The following RIMS2 variants were observed in gnomAD, a reference collection of about 807,000 sequenced individuals.
RIMS2 encodes the protein regulating synaptic membrane exocytosis 2.
In RIMS2, 59 loss-of-function variants were observed where a neutral mutation model predicts 174.4. The observed-to-expected ratio is 0.34, with a 90% CI of 0.27 to 0.42. RIMS2 has a LOEUF of 0.42. Among genes scored for constraint, RIMS2 ranks in the 10% least tolerant of loss-of-function variants. RIMS2 has a pLI of 1.00. For synonymous variants in RIMS2, 606 were observed against 572.5 expected, an observed-to-expected ratio of 1.06 and a Z score of -0.84; for missense variants, 1,620 against 1,666.3, an observed-to-expected ratio of 0.97 and a Z score of 0.48.
intron 4 of RIMS2, among the ~76,000 whole-genome samples, chr8:103,906,277 T>C (rs1330744951): frequency 6.6e-6 from 1 of 152,098 alleles, no homozygotes; most frequent in African/African-American, 2.4e-5. Flanking sequence ...AGTCTCGTTC[T>C]GTTGTTGCCC....
At chr8:103,602,474 G>A (rs897984214) in intron 1 of RIMS2, among the ~76,000 whole-genome samples, 5 of 151,550 alleles carry the variant, frequency 3.3e-5, no homozygotes, top group Admixed American at 2.6e-4. Flanking sequence ...CACCCTCAAA[G>A]AGGCTCCAGC....
intron 19 of RIMS2, among the ~76,000 whole-genome samples, chr8:104,242,837 CAT>C (rs1386439383): frequency 1.3e-5 from 2 of 152,202 alleles, no homozygotes; most frequent in Non-Finnish European, 2.9e-5. Flanking sequence ...TACTAAGTTT[CAT>C]CACTTGATTA....
At chr8:103,553,847 A>C (rs1849175278) in intron 1 of RIMS2, among the ~76,000 whole-genome samples, 1 of 131,798 alleles carries the variant, frequency 7.6e-6, no homozygotes, top group African/African-American at 2.6e-5. Context: ...CTGGTACAAA[A>C]ACAGACAGAT....
At chr8:103,885,539 G>T (rs2099195277) in exon 4 of RIMS2, 1 of 1,612,132 alleles carries the variant, frequency 6.2e-7, no homozygotes, top group Non-Finnish European at 8.5e-7. Context: ...TGATGAGGAT[G>T]TGGAAAGCAG....
intron 19 of RIMS2, among the ~76,000 whole-genome samples, chr8:104,194,372 T>A (rs2099013124): frequency 6.6e-6 from 1 of 152,198 alleles, no homozygotes; most frequent in Non-Finnish European, 1.5e-5. Flanking sequence ...TGTTTCAAAA[T>A]CTTTATGGTG....
intron 19 of RIMS2, among the ~76,000 whole-genome samples, chr8:104,158,915 C>G (rs1398305237): frequency 1.3e-5 from 2 of 152,112 alleles, no homozygotes; most frequent in Admixed American, 6.6e-5. Context: ...TTCCATTTGT[C>G]TATTTTGCGT....
chr8:103,863,489 A>G (rs889912158), intron 3 of RIMS2, among the ~76,000 whole-genome samples: 15 of 152,036 alleles, frequency 9.9e-5, no homozygotes, highest in African/African-American at 2.2e-4. Flanking sequence ...CTACTCCTCA[A>G]TTTTTTGGAA....
At chr8:103,735,367 A>C (rs1268689191) in intron 2 of RIMS2, among the ~76,000 whole-genome samples, 1 of 152,088 alleles carries the variant, frequency 6.6e-6, no homozygotes, top group African/African-American at 2.4e-5. Flanking sequence ...AATATTTTTA[A>C]TTTCCAGAAA....
chr8:103,603,787 A>G (rs1470671080), intron 1 of RIMS2, among the ~76,000 whole-genome samples: 2 of 148,560 alleles, frequency 1.3e-5, no homozygotes, highest in Admixed American at 1.3e-4. Flanking sequence ...TTGGCTGCAT[A>G]AATGTCTTCT....
intron 3 of RIMS2, among the ~76,000 whole-genome samples, chr8:103,790,560 G>T (rs2098487140): frequency 6.6e-6 from 1 of 152,052 alleles, no homozygotes; most frequent in Non-Finnish European, 1.5e-5. Flanking sequence ...AGACATTTGT[G>T]TGTAACTTTT....
intron 1 of RIMS2, among the ~76,000 whole-genome samples, chr8:103,565,119 A>G (rs1335878306): frequency 6.6e-6 from 1 of 152,154 alleles, no homozygotes; most frequent in Non-Finnish European, 1.5e-5. Flanking sequence ...ATTGTTTCTC[A>G]TTAAGATTTA....
At chr8:104,019,017 G>T (rs1481858357) in intron 19 of RIMS2, among the ~76,000 whole-genome samples, 1 of 151,964 alleles carries the variant, frequency 6.6e-6, no homozygotes, top group Non-Finnish European at 1.5e-5. Flanking sequence ...GGCCAACATG[G>T]CAAAACCCCA....
chr8:103,796,143 T>G (rs766698092), intron 3 of RIMS2, among the ~76,000 whole-genome samples: 16 of 152,190 alleles, frequency 1.1e-4, no homozygotes, highest in Admixed American at 2.6e-4. Context: ...GGCCTCCTGC[T>G]TTTCAACTTT....
At chr8:103,784,910 G>A (rs1430357859) in intron 3 of RIMS2, among the ~76,000 whole-genome samples, 1 of 136,568 alleles carries the variant, frequency 7.3e-6, no homozygotes, top group Non-Finnish European at 1.6e-5. Context: ...AGCATGGAAT[G>A]TTCTTCCATT....
At chr8:103,504,740 G>C (rs937831846) in intron 1 of RIMS2, among the ~76,000 whole-genome samples, 1 of 150,992 alleles carries the variant, frequency 6.6e-6, no homozygotes, top group African/African-American at 2.4e-5. Context: ...ATAGTGAGCA[G>C]TTCTCTATTT....
intron 1 of RIMS2, among the ~76,000 whole-genome samples, chr8:103,584,187 A>C (rs1009202644): frequency 6.6e-6 from 1 of 152,178 alleles, no homozygotes; most frequent in African/African-American, 2.4e-5. Context: ...GTTGCATGAC[A>C]TATTTAATGT....
At chr8:104,246,999 G>GGTGCTGAGGGGGCAA (rs2099336783) in intron 20 of RIMS2, among the ~76,000 whole-genome samples, 2 of 151,100 alleles carry the variant, frequency 1.3e-5, no homozygotes, top group Non-Finnish European at 3.0e-5. Flanking sequence ...TGAGTGCTGA[G>GGTGCTGAGGGGGCAA]GGGGCAAGGG....
intron 19 of RIMS2, among the ~76,000 whole-genome samples, chr8:104,090,078 TAC>T (rs1555215778): frequency 2.7e-5 from 4 of 150,676 alleles, no homozygotes; most frequent in East Asian, 3.9e-4. Context: ...TATATATATA[TAC>T]ACACACACAC....
At chr8:103,564,112 G>T (rs1008952394) in intron 1 of RIMS2, among the ~76,000 whole-genome samples, 3 of 152,108 alleles carry the variant, frequency 2.0e-5, no homozygotes, top group Admixed American at 1.3e-4. Flanking sequence ...CATACTCTTG[G>T]TCTTAATTCT....
Sources: allele counts gnomAD v4.1 joint callset (sites outside exome capture counted in the v4.1 genomes callset), GRCh38; gene constraint gnomAD v4.1.1; transcripts MANE v1.5; gene names NCBI Gene and HGNC (gene_info 2026-07-23, HGNC 2026-07-21).